Variants in SMARCA4 observed in about 807,000 individuals in gnomAD.
SMARCA4 encodes the protein SWI/SNF related BAF chromatin remodeling complex subunit ATPase 4, also known as SWI/SNF-related matrix-associated actin-dependent regulator of chromatin subfamily A member 4.
SMARCA4 carries 31 observed loss-of-function variants against 193.9 expected under a neutral mutation model. The ratio of observed to expected loss-of-function variants is 0.16; its 90% CI spans 0.12 to 0.22. The LOEUF (loss-of-function observed/expected upper bound fraction) is 0.22, where lower values mean the gene tolerates loss of function less well. Ranked by LOEUF, SMARCA4 falls within the 10% of genes least tolerant of loss-of-function variation. The pLI, the probability that SMARCA4 is intolerant of heterozygous loss-of-function variation, is 1.00. For synonymous variants in SMARCA4, 942 were observed against 933.1 expected (o/e 1.01, Z -0.17); for missense variants, 1,148 against 2,296.0 (o/e 0.50, Z 10.22).
chr19:10,967,627 A>G (rs1362794036), intron 1 of SMARCA4, among the ~76,000 whole-genome samples: 1 of 150,130 alleles, frequency 6.7e-6, no homozygotes, highest in Non-Finnish European at 1.5e-5. Context: ...GGCTTTCTTT[A>G]GAAAATAGGT....
At chr19:10,966,760 C>T (rs924907094) in intron 1 of SMARCA4, among the ~76,000 whole-genome samples, 6 of 152,048 alleles carry the variant, frequency 3.9e-5, no homozygotes, top group Admixed American at 1.3e-4. Flanking sequence ...TGGTGGTGTG[C>T]GCCTGTAGTC....
rs765989895 is a variant in SMARCA4, at chr19:11,033,842, G to A, written c.3850G>A (p.Asp1284Asn). The A allele has an allele frequency of 5.1e-6, 4 of 779,440 alleles. No individual in the cohort carries two copies. The highest frequency in any genetic ancestry group is 4.9e-5 in the East Asian group (2 of 41,230). 48.3% of individuals were successfully genotyped at this position (779,440 alleles called of 1,614,324 possible). ...TAPPPAGVNP[D>N]LEEPPLKEED... ...CCCTCCGCCAGCGGGCGTCAACCCC[G>A]ACTTGGAGGAGCCACCTCTAAAGGT... Residue 1284 changes from aspartate to asparagine, a missense_variant, in exon 27 of 35, where the codon GAC becomes AAC. By Grantham distance (23) the Asp-to-Asn change is conservative. This residue lies in a region of SMARCA4 where 84 missense variants were observed against 202.2 expected (regional missense o/e 0.42). Transcript: ENST00000344626. This position sits in a 1 kb window ranked among gnomAD's most constrained non-coding sequence, Gnocchi z 9.8.
At chr19:11,046,295 G>A (rs1041592980) in intron 30 of SMARCA4, among the ~76,000 whole-genome samples, 6 of 151,926 alleles carry the variant, frequency 3.9e-5, no homozygotes, top group East Asian at 1.9e-4. Context: ...GTTCTGTTTC[G>A]GGACATTTGA....
chr19:11,058,195 G>C lies in SMARCA4; in HGVS notation c.4425-60G>C. The C allele has an allele frequency of 9.5e-7, 1 of 1,047,590 alleles. No homozygotes were observed. The highest frequency in any genetic ancestry group is 1.5e-6 in the Non-Finnish European group (1 of 673,654). The allele number at this position is 1,047,590 out of a possible 1,614,324, so 64.9% of individuals were successfully genotyped here. A position where few individuals can be genotyped will look rare whatever the true frequency, so the allele number is the denominator to read the frequency against. ...AAACAATGTGGGAACCTGCTGAGGT[G>C]GGGTGGGGGCTCCCGGGTGGGCGGA... On this transcript the variant is annotated intron_variant, in intron 30 of 34. Transcript: ENST00000344626. The surrounding 1 kb of genome is among the most constrained non-coding windows in gnomAD (Gnocchi z 5.8).
intron 1 of SMARCA4, among the ~76,000 whole-genome samples, chr19:10,975,024 T>C (rs1013299983): frequency 1.0e-4 from 15 of 143,146 alleles, no homozygotes; most frequent in Non-Finnish European, 1.8e-4. Flanking sequence ...ATTCTTTTTT[T>C]TTTTTTTTTT....
At chr19:11,061,196 AAAAAAAAAATATATATATATAT>A (rs1262653716) in intron 34 of SMARCA4, among the ~76,000 whole-genome samples, 7,289 of 85,870 alleles carry the variant, frequency 0.085, 466 homozygotes, top group African/African-American at 0.17. Flanking sequence ...TTTAAAAAAA[AAAAAAAAAATATATATATATAT>A]ATATATATAT....
chr19:11,056,955 C>T lies in SMARCA4; in HGVS notation c.4425-1300C>T, dbSNP rs575156940. Reference sequence around the variant, plus strand: ...GCACTCAGGACACCCAAACAGACGGCGGGGCCAGCCAGTGGCATGGGCGGG... The same window carrying T: ...GCACTCAGGACACCCAAACAGACGGTGGGGCCAGCCAGTGGCATGGGCGGG... On this transcript the variant is annotated intron_variant, in intron 30 of 34. Transcript: ENST00000344626. Among the ~76,000 whole-genome samples, 11 of 152,324 alleles carry T rather than the reference C, an allele frequency of 7.2e-5. No homozygotes were observed. In the South Asian group the frequency reaches 1.7e-3, roughly 23 times the overall value.
At chr19:10,995,405 A>G (rs1003369684) in intron 9 of SMARCA4, 2 of 463,930 alleles carry the variant, frequency 4.3e-6, no homozygotes, top group African/African-American at 4.0e-5. Flanking sequence ...TGCTCTGTGT[A>G]CGGGGACATG....
intron 7 of SMARCA4, 25 bp from the exon 8 acceptor site, chr19:10,991,124 CG>C (rs1568433417): frequency 1.2e-6 from 2 of 1,612,532 alleles, no homozygotes; most frequent in African/African-American, 2.7e-5. Flanking sequence ...GTGCAGTGCG[CG>C]GGCTTGTCCT....
intron 34 of SMARCA4, chr19:11,060,410 C>T (rs974565784): frequency 4.3e-5 from 27 of 623,376 alleles, no homozygotes; most frequent in African/African-American, 1.1e-4. Context: ...TCTCAGTACC[C>T]GTGGGTGTCT....
chr19:11,000,959 G>A (rs1218920004), intron 11 of SMARCA4, among the ~76,000 whole-genome samples: 1 of 152,070 alleles, frequency 6.6e-6, no homozygotes, highest in African/African-American at 2.4e-5. Context: ...GTTGAGAACA[G>A]GCACCGGCAC....
At chr19:10,976,727 C>T (rs112561909) in intron 1 of SMARCA4, among the ~76,000 whole-genome samples, 20 of 145,648 alleles carry the variant, frequency 1.4e-4, no homozygotes, top group African/African-American at 5.1e-4. Context: ...GCATTCCAGC[C>T]TGGGAGACAG....
intron 16 of SMARCA4, among the ~76,000 whole-genome samples, chr19:11,018,041 C>T (rs866247639): frequency 6.6e-6 from 1 of 152,240 alleles, no homozygotes; most frequent in African/African-American, 2.4e-5. Flanking sequence ...GTCCTTCTGT[C>T]TATTGGCTGT....
intron 12 of SMARCA4, 47 bp from the exon 13 acceptor site, chr19:11,003,293 T>C: frequency 6.2e-7 from 1 of 1,607,200 alleles, no homozygotes; most frequent in Non-Finnish European, 8.5e-7. Context: ...AAGTGAATTC[T>C]GCTGGCTCTG....
At position 10,987,087 on chromosome 19, in the gene SMARCA4, A is replaced by G. The variant is rs1440572186; in HGVS notation, c.859+84A>G. The G allele has an allele frequency of 4.0e-6, 4 of 1,011,178 alleles. No individual in the cohort carries two copies. In the African/African-American group the frequency reaches 4.7e-5, roughly 12 times the overall value. 62.6% of individuals were successfully genotyped at this position (1,011,178 alleles called of 1,614,324 possible). ...GTCCTTGAGATGAGCTTTGTCAGGGAGAAAGGGCCGAGGGTGGTCAGGCTG... is the reference window on the plus strand; with the variant it reads ...GTCCTTGAGATGAGCTTTGTCAGGGGGAAAGGGCCGAGGGTGGTCAGGCTG... On this transcript the variant is annotated intron_variant, in intron 5 of 34. Transcript: ENST00000344626. The surrounding 1 kb of genome is among the most constrained non-coding windows in gnomAD (Gnocchi z 5.3).
At chr19:10,994,324 T>C (rs1002368708) in intron 8 of SMARCA4, among the ~76,000 whole-genome samples, 11 of 145,144 alleles carry the variant, frequency 7.6e-5, no homozygotes, top group Non-Finnish European at 3.0e-5. Context: ...CTAGGTTTTT[T>C]TTTTTTTTTT....
intron 9 of SMARCA4, chr19:10,995,600 A>G (rs2086963188): frequency 2.4e-6 from 1 of 422,306 alleles, no homozygotes; most frequent in African/African-American, 2.0e-5. Flanking sequence ...ACAAACGCAG[A>G]GACCCAGGGA....
intron 33 of SMARCA4, 35 bp from the exon 34 acceptor site, chr19:11,060,010 G>A (rs574940112): frequency 6.4e-5 from 102 of 1,599,234 alleles, no homozygotes; most frequent in Admixed American, 1.4e-4. Flanking sequence ...CATTCCCAGA[G>A]CTCAAGGCTG....
At position 11,031,088 on chromosome 19, in the gene SMARCA4, C is replaced by CAT. The variant is rs2074897406; in HGVS notation, c.3546+196_3546+197insTA. ...CGGGGTCCTCCTGTTTCCCAAAATA[C>CAT]AAACAGCCTTTCCCTCTGATTGGGA... is the stretch of plus-strand genomic sequence containing the variant. On this transcript the variant is annotated intron_variant, in intron 25 of 34. Coordinates refer to ENST00000344626, the MANE Select transcript of SMARCA4 (RefSeq NM_003072.5). The surrounding 1 kb of genome is among the most constrained non-coding windows in gnomAD (Gnocchi z 4.3). 1.6e-6 allele frequency: 1 copy of CAT among 639,018 alleles called. No individual in the cohort carries two copies. The highest frequency in any genetic ancestry group is 2.4e-5 in the Admixed American group (1 of 41,210). 39.6% of individuals were successfully genotyped at this position (639,018 alleles called of 1,614,324 possible).
Sources: allele counts gnomAD v4.1 joint callset (sites outside exome capture counted in the v4.1 genomes callset), GRCh38; gene constraint gnomAD v4.1.1; regional missense constraint gnomAD v4.1.1; non-coding constraint Gnocchi (gnomAD v3.1); transcripts MANE v1.5; gene names NCBI Gene and HGNC (gene_info 2026-07-23, HGNC 2026-07-21).